Variants in ZNF646 observed in about 807,000 individuals in gnomAD.
ZNF646 encodes the protein zinc finger protein 646.
ZNF646 carries 49 observed loss-of-function variants against 115.4 expected under a neutral mutation model. That is an observed-to-expected ratio of 0.42 (90% CI 0.34 to 0.54). The LOEUF is 0.54. Among genes scored for constraint, ZNF646 ranks in the 20% least tolerant of loss-of-function variants. ZNF646 has a pLI of 0.04. For synonymous variants in ZNF646, 933 were observed against 939.0 expected (o/e 0.99, Z 0.12); for missense variants, 2,269 against 2,457.9 (o/e 0.92, Z 1.62).
Position 31,083,228 on chromosome 16 carries a change from G to C in ZNF646, c.*136G>C. 7.5e-7 allele frequency: 1 copy of C among 1,342,054 alleles called. No individual in the cohort carries two copies. The highest frequency in any genetic ancestry group is 9.9e-7 in the Non-Finnish European group (1 of 1,007,870). 83.1% of individuals were successfully genotyped at this position (1,342,054 alleles called of 1,614,324 possible). Reference sequence around the variant, plus strand: ...CCCTTGTGAAGAGGACCCAGATCTGGCTTCTTTCCCAAGGAGGGGGTGGGG... The same window carrying C: ...CCCTTGTGAAGAGGACCCAGATCTGCCTTCTTTCCCAAGGAGGGGGTGGGG... On this transcript the variant is annotated 3_prime_UTR_variant, in exon 3 of 3. Coordinates refer to ENST00000300850, the MANE Select transcript of ZNF646 (RefSeq NM_014699.4).
At position 31,079,801 on chromosome 16, in the gene ZNF646, G is replaced by T. The variant is rs768498195; in HGVS notation, c.3477G>T (p.Glu1159Asp). Reference protein sequence around the residue: ...VEKLQEELKVEPLEEVARVKE... With the variant: ...VEKLQEELKVDPLEEVARVKE... ...AGCTCCAGGAAGAACTTAAAGTGGA[G>T]CCCCTGGAGGAAGTGGCCAGGGTGA... Residue 1159 changes from glutamate (E) to aspartate (D), a missense_variant, in exon 2 of 3, where the codon GAG (glutamate) becomes GAT (aspartate). Transcript: ENST00000300850. This position sits in a 1 kb window ranked among gnomAD's most constrained non-coding sequence, Gnocchi z 5.5. The T allele has an allele frequency of 6.2e-7, 1 of 1,613,624 alleles. No homozygotes were observed. Among genetic ancestry groups the T allele is most frequent in the East Asian group, 2.2e-5 (1 of 44,886 alleles).
rs775223928 is a variant in ZNF646 at position 31,078,182 on chromosome 16, C to G, written c.1858C>G (p.Arg620Gly). The change falls in exon 2 of 3, where the codon CGA becomes GGA. Residue 620 changes from arginine (R) to glycine (G), a missense_variant. Physicochemically the swap from Arg to Gly is moderately radical, Grantham distance 125. This residue lies in a region of ZNF646 where 852 missense variants were observed against 900.2 expected (regional missense o/e 0.95). Transcript: ENST00000300850. ...GTCACCTCCTAGGGCCTTTGCCTGC[C>G]GAGACTGTGGAAAGAGCTATCGCCA... The part of the protein sequence containing the change: ...TMSPPRAFAC[R>G]DCGKSYRHSG... 1.2e-6 allele frequency: 2 copies of G among 1,614,056 alleles called. No individual in the cohort carries two copies. Among genetic ancestry groups the G allele is most frequent in the Admixed American group, 1.7e-5 (1 of 60,024 alleles).
In ZNF646 at chr16:31,081,334, TGAG is replaced by T. The variant is rs2057155547; in HGVS notation, c.5013_5015del (p.Glu1671del). 3.7e-6 allele frequency: 6 copies of T among 1,613,804 alleles called. No homozygotes were observed. Among genetic ancestry groups the T allele is most frequent in the Non-Finnish European group, 5.1e-6 (6 of 1,179,904 alleles). On this transcript the variant is annotated inframe_deletion, in exon 2 of 3. Coordinates refer to ENST00000300850, the MANE Select transcript of ZNF646 (RefSeq NM_014699.4). ...GACAAGCGGTGACGTCCATGGCGGC[TGAG>T]GACAAGGAGCGGCCCTTCCGCTGCA...
At chr16:31,074,706 G>C (rs2057054511) in intron 1 of ZNF646, 75 bp downstream of exon 1, 1 of 152,256 alleles carries the variant, frequency 6.6e-6, no homozygotes, top group East Asian at 1.9e-4. Context: ...AAGGAGAGGG[G>C]GCCGCCGGTG....
chr16:31,078,351 A>G lies in ZNF646; in HGVS notation c.2027A>G (p.Lys676Arg). The G allele has an allele frequency of 6.2e-7, 1 of 1,613,222 alleles. No individual in the cohort carries two copies. Among genetic ancestry groups the G allele is most frequent in the South Asian group, 1.1e-5 (1 of 91,052 alleles). Residue 676 changes from lysine to arginine, a missense_variant, in exon 2 of 3, where the codon AAG becomes AGG. Physicochemically the swap from Lys to Arg is conservative, Grantham distance 26. This residue lies in a region of ZNF646 where 852 missense variants were observed against 900.2 expected (regional missense o/e 0.95). Transcript: ENST00000300850. ...CGGCGGCGGAGCAGGCGGCATCGGA[A>G]GCGGGCTGGCGGTGCCAGCGGTGGG... ...HSRRRSRRHR[K>R]RAGGASGGRE...
At chr16:31,082,674 G>T in intron 2 of ZNF646, 1 of 420,956 alleles carries the variant, frequency 2.4e-6, no homozygotes. Flanking sequence ...GCCACCGAGG[G>T]TGGGTGGCCC....
upstream of ZNF646, chr16:31,073,423 C>CGCGCGGGCCGAGCCTGGGTGT (rs1424930377): frequency 2.0e-5 from 3 of 152,208 alleles, no homozygotes; most frequent in African/African-American, 7.2e-5. Context: ...GGCCAGCAGC[C>CGCGCGGGCCGAGCCTGGGTGT]GCGCGGGCCG....
At position 31,080,302 on chromosome 16, in the gene ZNF646, C is replaced by A; in HGVS notation, c.3978C>A (p.Tyr1326Ter). Residue 1326 changes from tyrosine (Y) to a stop codon, truncating the protein, a stop_gained, in exon 2 of 3, where the codon TAC (tyrosine) becomes TAA (stop). Transcript: ENST00000300850. LOFTEE classifies it high-confidence loss of function. Reference sequence around the variant, plus strand: ...GGCGCAGCCACGAGACGGGCCAGTACAGCTGCCCCACCTGCCCCAAGACCT... The same window carrying A: ...GGCGCAGCCACGAGACGGGCCAGTAAAGCTGCCCCACCTGCCCCAAGACCT... Reference protein sequence around the residue: ...NHRRSHETGQYSCPTCPKTYS... With the variant: ...NHRRSHETGQ 6.2e-7 allele frequency: 1 copy of A among 1,613,322 alleles called. No homozygotes were observed. Among genetic ancestry groups the A allele is most frequent in the South Asian group, 1.1e-5 (1 of 91,090 alleles).
chr16:31,081,391 T>C lies in ZNF646; in HGVS notation c.5067T>C (p.Ala1689=), dbSNP rs751917717. 2 of 1,611,848 alleles carry C rather than the reference T, an allele frequency of 1.2e-6. No homozygotes were observed. Among genetic ancestry groups the C allele is most frequent in the South Asian group, 1.1e-5 (1 of 91,032 alleles). ...CTQCGRSYRH[A]GSLLNHQKAH... ...AGTGCGGGCGCTCCTACCGCCATGC[T>C]GGCAGCCTGCTGAACCACCAGAAGG... is the stretch of plus-strand genomic sequence containing the variant. The change falls in exon 2 of 3, where the codon GCT becomes GCC. Residue 1689 remains alanine (A), a synonymous_variant. Coordinates refer to ENST00000300850, the MANE Select transcript of ZNF646 (RefSeq NM_014699.4).
rs746131691 is a variant in ZNF646, at chr16:31,083,858, G to GTCCC, written c.*779_*782dup. On this transcript the variant is annotated 3_prime_UTR_variant, in exon 3 of 3. Transcript: ENST00000300850. ...AGTTGTCCTCATCCTCACGGCTTTG[G>GTCCC]TCCCTCCCTCCCTCCCCATTCCTCG... The GTCCC allele has an allele frequency of 5.6e-6, 9 of 1,601,622 alleles. No homozygotes were observed. Among genetic ancestry groups the GTCCC allele is most frequent in the South Asian group, 1.1e-5 (1 of 90,748 alleles).
Position 31,076,711 on chromosome 16 carries a change from A to C in ZNF646, c.387A>C (p.Gln129His), listed in dbSNP as rs779788181. The change falls in exon 2 of 3, where the codon CAA becomes CAC. Residue 129 changes from glutamine (Q) to histidine (H), a missense_variant. Gln to His is a conservative substitution (Grantham distance 24). Transcript: ENST00000300850. ...GETVSTDSWGQRLGSSEGWEN... is the reference protein window; with the variant it reads ...GETVSTDSWGHRLGSSEGWEN... ...CGGTGTCCACTGACTCCTGGGGCCAAAGGCTTGGCTCTAGTGAAGGCTGGG... is the reference window on the plus strand; with the variant it reads ...CGGTGTCCACTGACTCCTGGGGCCACAGGCTTGGCTCTAGTGAAGGCTGGG... 3 of 1,613,646 alleles carry C rather than the reference A, an allele frequency of 1.9e-6. No individual in the cohort carries two copies. In the South Asian group the frequency reaches 3.3e-5, roughly 18 times the overall value.
At position 31,084,106 on chromosome 16, in the gene ZNF646, C is replaced by T. The variant is rs757702602; in HGVS notation, c.*1014C>T. ...AGAGGCAGGGTTTGGCAGGAGGCCC[C>T]GGGGCCACATACTTATGTTGGCCAG... On this transcript the variant is annotated 3_prime_UTR_variant, in exon 3 of 3. Coordinates refer to ENST00000300850, the MANE Select transcript of ZNF646 (RefSeq NM_014699.4). The T allele has an allele frequency of 2.2e-5, 35 of 1,560,360 alleles. No individual in the cohort carries two copies. Among genetic ancestry groups the T allele is most frequent in the Admixed American group, 1.2e-4 (6 of 52,058 alleles).
At chr16:31,074,742 T>C (rs888911895) in intron 1 of ZNF646, 111 bp downstream of exon 1, 1 of 152,174 alleles carries the variant, frequency 6.6e-6, no homozygotes, top group Non-Finnish European at 1.5e-5. Context: ...GAGAGGAAAT[T>C]GGCAGACGAG....
Position 31,076,687 on chromosome 16 carries a change from G to A in ZNF646, c.363G>A (p.Thr121=), listed in dbSNP as rs1303884150. 8 of 1,613,432 alleles carry A rather than the reference G, an allele frequency of 5.0e-6. No individual in the cohort carries two copies. Among genetic ancestry groups the A allele is most frequent in the Middle Eastern group, 1.7e-4 (1 of 6,060 alleles). Residue 121 remains threonine, a synonymous_variant, in exon 2 of 3, where the codon ACG becomes ACA. Transcript: ENST00000300850. ...KEATPHLQGE[T]VSTDSWGQRL... ...CCACTCCACACCTCCAGGGTGAGAC[G>A]GTGTCCACTGACTCCTGGGGCCAAA...
rs201923917 is a variant in ZNF646, at chr16:31,080,337, G to T, written c.4013G>T (p.Arg1338Leu). The change falls in exon 2 of 3, where the codon CGC becomes CTC. Residue 1338 changes from arginine (R) to leucine (L), a missense_variant. By Grantham distance (102) the Arg-to-Leu change is moderately radical. Coordinates refer to ENST00000300850, the MANE Select transcript of ZNF646 (RefSeq NM_014699.4). ...ACCTGCCCCAAGACCTACTCCAACCGCATGGCCCTGAAGGACCACCAGAGG... is the reference window on the plus strand; with the variant it reads ...ACCTGCCCCAAGACCTACTCCAACCTCATGGCCCTGAAGGACCACCAGAGG... ...CPTCPKTYSN[R>L]MALKDHQRLH... The T allele has an allele frequency of 2.5e-6, 4 of 1,613,426 alleles. No individual in the cohort carries two copies. The Admixed American group carries it at 5.0e-5, about 20-fold the overall frequency.
Position 31,078,427 on chromosome 16 carries a change from C to G in ZNF646, c.2103C>G (p.Asp701Glu). The G allele has an allele frequency of 6.2e-7, 1 of 1,605,310 alleles. No individual in the cohort carries two copies. The highest frequency in any genetic ancestry group is 8.5e-7 in the Non-Finnish European group (1 of 1,174,834). The change falls in exon 2 of 3, where the codon GAC (aspartate) becomes GAG (glutamate). Residue 701 changes from aspartate (D) to glutamate (E), a missense_variant. By Grantham distance (45) the Asp-to-Glu change is conservative (BLOSUM62 2). This residue lies in a region of ZNF646 where 852 missense variants were observed against 900.2 expected (regional missense o/e 0.95). Coordinates refer to ENST00000300850, the MANE Select transcript of ZNF646 (RefSeq NM_014699.4). ...AAESWTRELE[D>E]NEGLESPQDP... ...AGAGCTGGACCCGGGAGCTAGAAGACAATGAAGGCCTGGAGTCTCCCCAAG... is the reference window on the plus strand; with the variant it reads ...AGAGCTGGACCCGGGAGCTAGAAGAGAATGAAGGCCTGGAGTCTCCCCAAG...
chr16:31,077,981 G>A lies in ZNF646; in HGVS notation c.1657G>A (p.Asp553Asn), dbSNP rs1349962229. The change falls in exon 2 of 3, where the codon GAC becomes AAC. Residue 553 changes from aspartate to asparagine, a missense_variant. Physicochemically the swap from Asp to Asn is conservative, Grantham distance 23 (BLOSUM62 1). This residue lies in a region of ZNF646 where 852 missense variants were observed against 900.2 expected (regional missense o/e 0.95). Coordinates refer to ENST00000300850, the MANE Select transcript of ZNF646 (RefSeq NM_014699.4). ...AGAGGCAGCCCCGCACACAGATCAG[G>A]ACCATGTGTGCAAACATGAAGAAGA... ...EAEAAPHTDQ[D>N]HVCKHEEEAT... 6.2e-7 allele frequency: 1 copy of A among 1,614,018 alleles called. No homozygotes were observed. Among genetic ancestry groups the A allele is most frequent in the Admixed American group, 1.7e-5 (1 of 60,020 alleles).
chr16:31,075,676 G>C (rs2057067956), intron 1 of ZNF646, among the ~76,000 whole-genome samples: 1 of 152,166 alleles, frequency 6.6e-6, no homozygotes, highest in African/African-American at 2.4e-5. Context: ...GACTCGGGGT[G>C]GTGGGGGAAC....
Position 31,083,295 on chromosome 16 carries a change from G to A in ZNF646, c.*203G>A. The A allele has an allele frequency of 1.0e-6, 1 of 971,452 alleles. No homozygotes were observed. Among genetic ancestry groups the A allele is most frequent in the Non-Finnish European group, 1.5e-6 (1 of 685,464 alleles). 60.2% of individuals were successfully genotyped at this position (971,452 alleles called of 1,614,324 possible). On this transcript the variant is annotated 3_prime_UTR_variant, in exon 3 of 3. Transcript: ENST00000300850. ...GTCCTTGAAGGACCTCCTTCCCCCAGCCTCATCACCGTGCTCTTCTCAGCG... is the reference window on the plus strand; with the variant it reads ...GTCCTTGAAGGACCTCCTTCCCCCAACCTCATCACCGTGCTCTTCTCAGCG...
Sources: allele counts gnomAD v4.1 joint callset (sites outside exome capture counted in the v4.1 genomes callset), GRCh38; gene constraint gnomAD v4.1.1; regional missense constraint gnomAD v4.1.1; non-coding constraint Gnocchi (gnomAD v3.1); transcripts MANE v1.5; gene names NCBI Gene and HGNC (gene_info 2026-07-23, HGNC 2026-07-21).